CA6: variants seen among roughly 807,000 people sequenced by gnomAD.
CA6 encodes carbonate dehydratase VI.
A neutral mutation model predicts 35.9 loss-of-function variants in CA6; 28 were observed. The observed-to-expected ratio is 0.78, with a 90% CI of 0.58 to 1.07. The LOEUF (loss-of-function observed/expected upper bound fraction) is 1.07, where lower values mean the gene tolerates loss of function less well. CA6 is among the 50% of genes least tolerant of loss of function. The pLI, the probability that CA6 is intolerant of heterozygous loss-of-function variation, is 0.00. For missense variants in CA6, 377 were observed against 382.0 expected (o/e 0.99, Z 0.11); for synonymous variants, 148 against 152.6 (o/e 0.97, Z 0.22).
chr1:8,961,715 A>C (rs1639847312), intron 4 of CA6, among the ~76,000 whole-genome samples: 1 of 152,222 alleles, frequency 6.6e-6, no homozygotes, highest in African/African-American at 2.4e-5. Flanking sequence ...AGAGATCAAC[A>C]CCACTTGACT....
At position 8,960,789 on chromosome 1, in the gene CA6, C is replaced by CACACACACATATATAT. The variant is rs59987426; in HGVS notation, c.501+1788_501+1789insCACACACATATATATA. On this transcript the variant is annotated intron_variant, in intron 4 of 7. Transcript: ENST00000377443. ...ACACACACACACACACACACACACA[C>CACACACACATATATAT]ATATATATAATGGGAGTCCCAGAAG... is the stretch of plus-strand genomic sequence containing the variant. Among the ~76,000 whole-genome samples, 426 of 116,836 alleles carry CACACACACATATATAT rather than the reference C, an allele frequency of 3.6e-3. 10 individuals are homozygous for CACACACACATATATAT. Among genetic ancestry groups the CACACACACATATATAT allele is most frequent in the African/African-American group, 0.012 (363 of 29,908 alleles). The allele number at this position is 116,836 out of a possible 152,430, so 76.6% of individuals were successfully genotyped here.
chr1:8,968,510 G>C (rs1168656065), intron 6 of CA6, among the ~76,000 whole-genome samples: 3 of 151,968 alleles, frequency 2.0e-5, no homozygotes, highest in Admixed American at 6.6e-5. Context: ...GAGAAAAAAA[G>C]ACATTATAGA....
At chr1:8,974,593 C>A in intron 7 of CA6, 29 bp from the exon 8 acceptor site, 1 of 1,531,294 alleles carries the variant, frequency 6.5e-7, no homozygotes, top group Non-Finnish European at 9.0e-7. Context: ...CAAGGTTTAA[C>A]CATTTCCGAC....
chr1:8,958,450 G>T (rs1407394038), intron 3 of CA6, among the ~76,000 whole-genome samples: 2 of 152,226 alleles, frequency 1.3e-5, no homozygotes, highest in Non-Finnish European at 2.9e-5. Flanking sequence ...TTACAGGCAT[G>T]AGCCACTGTG....
At position 8,974,663 on chromosome 1, in the gene CA6, A is replaced by G; in HGVS notation, c.886A>G (p.Ile296Val). 6.2e-7 allele frequency: 1 copy of G among 1,605,242 alleles called. No individual in the cohort carries two copies. Among genetic ancestry groups the G allele is most frequent in the East Asian group, 2.2e-5 (1 of 44,798 alleles). Reference sequence around the variant, plus strand: ...TGAATTCCAGTTTTACCTACATAAGATTGAGGAAATTCTTGACTACTTAAG... The same window carrying G: ...TGAATTCCAGTTTTACCTACATAAGGTTGAGGAAATTCTTGACTACTTAAG... ...GSEFQFYLHK[I>V]EEILDYLRRA... Residue 296 changes from isoleucine to valine, a missense_variant, in exon 8 of 8, where the codon ATT becomes GTT. Coordinates refer to ENST00000377443, the MANE Select transcript of CA6 (RefSeq NM_001215.4).
At chr1:8,968,496 A>G (rs1469991413) in intron 6 of CA6, among the ~76,000 whole-genome samples, 1 of 152,186 alleles carries the variant, frequency 6.6e-6, no homozygotes, top group Admixed American at 6.6e-5. Flanking sequence ...AATACAAAAC[A>G]TATGAGAAAA....
intron 6 of CA6, among the ~76,000 whole-genome samples, chr1:8,968,696 C>G (rs1213826952): frequency 6.6e-6 from 1 of 152,088 alleles, no homozygotes; most frequent in East Asian, 1.9e-4. Flanking sequence ...AATAGAATTT[C>G]TAGAAATGGA....
At chr1:8,957,975 G>A (rs7545200) in intron 3 of CA6, among the ~76,000 whole-genome samples, 56,999 of 151,576 alleles carry the variant, frequency 0.38, 14,016 homozygotes, top group African/African-American at 0.71. Context: ...AAGACTGTGC[G>A]ATGGTAGCAG....
chr1:8,953,340 C>T (rs1639589678), intron 2 of CA6, among the ~76,000 whole-genome samples: 1 of 152,080 alleles, frequency 6.6e-6, no homozygotes, highest in Non-Finnish European at 1.5e-5. Flanking sequence ...AACCCATATG[C>T]AGGCCAGGCA....
At chr1:8,954,891 A>C (rs544405689) in intron 2 of CA6, among the ~76,000 whole-genome samples, 1 of 152,304 alleles carries the variant, frequency 6.6e-6, no homozygotes, top group Admixed American at 6.5e-5. Flanking sequence ...TTTTAAAATT[A>C]AATTTAAATT....
rs763461777 is a variant in CA6 at position 8,967,735 on chromosome 1, T to C, written c.648T>C (p.His216=). ...PRNLQHYYTY[H]GSLTTPPCTE... ...ACCTCCAGCACTACTACACCTACCA[T>C]GGCTCACTCACCACGCCTCCCTGCA... The change falls in exon 6 of 8, where the codon CAT becomes CAC. Residue 216 remains histidine (H), a synonymous_variant. Transcript: ENST00000377443. The C allele has an allele frequency of 1.6e-5, 26 of 1,614,032 alleles. No homozygotes were observed. Among genetic ancestry groups the C allele is most frequent in the Middle Eastern group, 3.3e-4 (2 of 6,062 alleles).
At chr1:8,969,847 G>C (rs1270338626) in intron 6 of CA6, among the ~76,000 whole-genome samples, 2 of 151,894 alleles carry the variant, frequency 1.3e-5, no homozygotes, top group African/African-American at 4.8e-5. Context: ...AAAGTGCCGA[G>C]GGAAAAAAAA....
chr1:8,956,818 G>T (rs1281639796), intron 2 of CA6, among the ~76,000 whole-genome samples: 1 of 152,186 alleles, frequency 6.6e-6, no homozygotes, highest in Non-Finnish European at 1.5e-5. Context: ...CTTTCCCTGG[G>T]GCCAGCAAGC....
At chr1:8,964,784 T>G (rs892787233) in intron 5 of CA6, among the ~76,000 whole-genome samples, 5 of 152,078 alleles carry the variant, frequency 3.3e-5, no homozygotes, top group African/African-American at 7.2e-5. Context: ...GACGGTCAGA[T>G]CTATGGGCCA....
In CA6 at chr1:8,973,750, TTC is replaced by T. The variant is rs1269229236; in HGVS notation, c.845-870_845-869del. On this transcript the variant is annotated intron_variant, in intron 7 of 7. Transcript: ENST00000377443. ...TTTCTTTCTTTCTTTCTTTCTTTCT[TTC>T]TTTCTTTCTTTCTTTCTTTCTTTCT... Among the ~76,000 whole-genome samples the T allele has an allele frequency of 2.3e-3, 48 of 20,452 alleles. 1 individual carries two copies. Among genetic ancestry groups the T allele is most frequent in the African/African-American group, 0.018 (41 of 2,244 alleles). 13.4% of individuals were successfully genotyped at this position (20,452 alleles called of 152,430 possible).
intron 2 of CA6, among the ~76,000 whole-genome samples, chr1:8,953,284 C>CCGGG (rs552729858): frequency 6.6e-6 from 1 of 152,264 alleles, no homozygotes; most frequent in South Asian, 2.1e-4. Context: ...CCAAAGACAT[C>CCGGG]CGGGCTGCTT....
At chr1:8,959,582 G>C (rs1021476066) in intron 4 of CA6, among the ~76,000 whole-genome samples, 7 of 151,650 alleles carry the variant, frequency 4.6e-5, no homozygotes, top group African/African-American at 1.7e-4. Context: ...CCAAAGTGCT[G>C]GGATTACAGG....
chr1:8,959,315 CTTTTTTT>C lies in CA6; in HGVS notation c.501+323_501+329del, dbSNP rs869139632. Among the ~76,000 whole-genome samples the C allele has an allele frequency of 9.5e-5, 13 of 137,182 alleles. No individual in the cohort carries two copies. In the Admixed American group the frequency reaches 9.6e-4, roughly 10 times the overall value. The allele number at this position is 137,182 out of a possible 152,430, so 90.0% of individuals were successfully genotyped here. A position where few individuals can be genotyped will look rare whatever the true frequency, so the allele number is the denominator to read the frequency against. ...GACAAAGGCAACACCTCTGCATTTCCTTTTTTTTTTTTTTTTGAGACGAAGTTTCACT... is the reference window on the plus strand; with the variant it reads ...GACAAAGGCAACACCTCTGCATTTCCTTTTTTTTTGAGACGAAGTTTCACT... On this transcript the variant is annotated intron_variant, in intron 4 of 7. Transcript: ENST00000377443.
chr1:8,970,077 G>T (rs1640067982), intron 6 of CA6, among the ~76,000 whole-genome samples: 1 of 151,912 alleles, frequency 6.6e-6, no homozygotes, highest in Non-Finnish European at 1.5e-5. Context: ...GTGGGTGGGT[G>T]CCTGTAGTCC....
Sources: allele counts gnomAD v4.1 joint callset (sites outside exome capture counted in the v4.1 genomes callset), GRCh38; gene constraint gnomAD v4.1.1; transcripts MANE v1.5; gene names NCBI Gene and HGNC (gene_info 2026-07-23, HGNC 2026-07-21).